NAA11: variants seen among roughly 807,000 people sequenced by gnomAD.
NAA11 encodes the protein N-alpha-acetyltransferase 11, NatA catalytic subunit, also known as N-alpha-acetyltransferase 11.
NAA11 carries 15 observed loss-of-function variants against 16.1 expected under a neutral mutation model. The ratio of observed to expected loss-of-function variants is 0.93; its 90% CI spans 0.62 to 1.44. NAA11 has a LOEUF of 1.44. Among genes scored for constraint, NAA11 ranks in the 40% most tolerant of loss-of-function variants. NAA11 has a pLI of 0.00. For missense variants in NAA11, 298 were observed against 291.3 expected (o/e 1.02, Z -0.17); for synonymous variants, 122 against 112.4 (o/e 1.09, Z -0.54).
chr4:79,240,632 C>A (rs1469493552), intron 2 of NAA11, among the ~76,000 whole-genome samples: 1 of 152,044 alleles, frequency 6.6e-6, no homozygotes, highest in Non-Finnish European at 1.5e-5. Flanking sequence ...ATAATGATTC[C>A]ATTGAATGGG....
At chr4:79,299,690 AAGCATTGTT>A (rs1249009727) in intron 1 of NAA11, 8 of 135,014 alleles carry the variant, frequency 5.9e-5, no homozygotes, top group African/African-American at 2.8e-4. Flanking sequence ...ATCTATCCAT[AAGCATTGTT>A]AAGCATTGTT....
intron 2 of NAA11, among the ~76,000 whole-genome samples, chr4:79,253,472 C>A (rs1722038214): frequency 6.6e-6 from 1 of 151,832 alleles, no homozygotes; most frequent in Non-Finnish European, 1.5e-5. Context: ...CAACATCCAA[C>A]CACTAAAAAG....
the NAA11 span, among the ~76,000 whole-genome samples, chr4:79,213,250 T>C: frequency 6.6e-6 from 1 of 152,142 alleles, no homozygotes; most frequent in Non-Finnish European, 1.5e-5. Context: ...GGTTCAGTTA[T>C]TTTGCTACAT....
the NAA11 span, among the ~76,000 whole-genome samples, chr4:79,200,178 C>T: frequency 6.6e-6 from 1 of 151,820 alleles, no homozygotes; most frequent in African/African-American, 2.4e-5. Context: ...GACCTCTGTG[C>T]CTCAGTTCCT....
chr4:79,316,113 T>C (rs1723919843), downstream of NAA11, among the ~76,000 whole-genome samples: 1 of 152,156 alleles, frequency 6.6e-6, no homozygotes, highest in African/African-American at 2.4e-5. Flanking sequence ...ACTCCTTCTG[T>C]TTCTCCATCT....
chr4:79,296,399 T>C (rs1723221688), intron 1 of NAA11, among the ~76,000 whole-genome samples: 1 of 152,234 alleles, frequency 6.6e-6, no homozygotes. Context: ...TTCATCTTTG[T>C]ATTCCTACAC....
At chr4:79,190,469 A>T in the NAA11 span, among the ~76,000 whole-genome samples, 123,551 of 144,282 alleles carry the variant, frequency 0.86, 51,544 homozygotes, top group South Asian at 0.93. Context: ...TTTTTTTTTT[A>T]AAAAAAGCAC....
intron 2 of NAA11, among the ~76,000 whole-genome samples, chr4:79,239,167 T>TA (rs1320651962): frequency 2.0e-5 from 3 of 152,196 alleles, no homozygotes; most frequent in Non-Finnish European, 4.4e-5. Flanking sequence ...TAAATGAATC[T>TA]AGGGAGTCTT....
At chr4:79,294,221 T>G (rs1317110951) in intron 1 of NAA11, 1 of 152,258 alleles carries the variant, frequency 6.6e-6, no homozygotes, top group Non-Finnish European at 1.5e-5. Flanking sequence ...ACAGCTCATC[T>G]GCCAAGTTGC....
At chr4:79,191,339 T>G in the NAA11 span, among the ~76,000 whole-genome samples, 12 of 162 alleles carry the variant, frequency 0.074, no homozygotes, top group Admixed American at 0.33. Context: ...CATCTGCTGT[T>G]TTTTTTTTTT....
At chr4:79,324,918 C>T (rs1007256580) in intron 1 of NAA11, among the ~76,000 whole-genome samples, 1 of 152,144 alleles carries the variant, frequency 6.6e-6, no homozygotes, top group Non-Finnish European at 1.5e-5. Context: ...ACAACTCATG[C>T]CCAAAAAGCA....
At chr4:79,272,201 A>G (rs191208377) in intron 2 of NAA11, among the ~76,000 whole-genome samples, 6 of 152,138 alleles carry the variant, frequency 3.9e-5, no homozygotes, top group African/African-American at 9.6e-5. Flanking sequence ...TGTAAGTAAT[A>G]CAATAACTTC....
In NAA11 at chr4:79,325,812, A is replaced by C; in HGVS notation, c.66T>G (p.Leu22=). 1 of 1,614,142 alleles carries C rather than the reference A, an allele frequency of 6.2e-7. No homozygotes were observed. The highest frequency in any genetic ancestry group is 8.5e-7 in the Non-Finnish European group (1 of 1,179,976). The change falls in exon 1 of 2, where the codon CTT becomes CTG. Residue 22 remains leucine (L), a synonymous_variant. Transcript: ENST00000286794. ...AGTATTTCATCTGGTAGTTCTCAGG[A>C]AGGCAAAGGAGGTTGCAGTGTTGCA... is the stretch of plus-strand genomic sequence containing the variant. ...MNMQHCNLLC[L]PENYQMKYYL...
chr4:79,277,016 AT>A (rs1298890290), intron 2 of NAA11, among the ~76,000 whole-genome samples: 1 of 152,184 alleles, frequency 6.6e-6, no homozygotes, highest in African/African-American at 2.4e-5. Flanking sequence ...GCTTGGGAAA[AT>A]AGGATAGCCT....
chr4:79,179,626 A>G, the NAA11 span, among the ~76,000 whole-genome samples: 1 of 152,198 alleles, frequency 6.6e-6, no homozygotes, highest in Non-Finnish European at 1.5e-5. Context: ...GACAGAGCAT[A>G]TGGAGGATGT....
downstream of NAA11, among the ~76,000 whole-genome samples, chr4:79,312,993 A>G (rs1723823344): frequency 6.6e-6 from 1 of 152,208 alleles, no homozygotes; most frequent in South Asian, 2.1e-4. Flanking sequence ...GAATGTATAG[A>G]AAGTTGGCTT....
At chr4:79,236,489 G>A (rs1038967472) in intron 2 of NAA11, among the ~76,000 whole-genome samples, 1 of 151,602 alleles carries the variant, frequency 6.6e-6, no homozygotes, top group Non-Finnish European at 1.5e-5. Context: ...TTCCCCCTCA[G>A]GTTTAGAATA....
chr4:79,192,649 C>T, the NAA11 span, among the ~76,000 whole-genome samples: 1 of 151,966 alleles, frequency 6.6e-6, no homozygotes, highest in African/African-American at 2.4e-5. Context: ...TAGGTTGGTT[C>T]CAAGTCTTTG....
At chr4:79,234,378 C>G (rs1721528262) in intron 2 of NAA11, among the ~76,000 whole-genome samples, 1 of 152,106 alleles carries the variant, frequency 6.6e-6, no homozygotes, top group Non-Finnish European at 1.5e-5. Context: ...TCTAGTTAGT[C>G]TTTTCATATT....
Sources: allele counts gnomAD v4.1 joint callset (sites outside exome capture counted in the v4.1 genomes callset), GRCh38; gene constraint gnomAD v4.1.1; transcripts MANE v1.5; gene names NCBI Gene and HGNC (gene_info 2026-07-23, HGNC 2026-07-21).